PKIA: variants seen among roughly 807,000 people sequenced by gnomAD.
The protein encoded by PKIA is PKI-alpha.
A neutral mutation model predicts 7.6 loss-of-function variants in PKIA; 4 were observed. The observed-to-expected ratio is 0.52, with a 90% CI of 0.26 to 1.20. The LOEUF is 1.20. Ranked by LOEUF, PKIA falls within the 50% of genes most tolerant of loss-of-function variation. The pLI is 0.13. For synonymous variants in PKIA, 21 were observed against 30.7 expected, an observed-to-expected ratio of 0.68 and a Z score of 1.04; for missense variants, 73 against 86.2, an observed-to-expected ratio of 0.85 and a Z score of 0.61.
chr8:78,582,975 G>A (rs1204748320), intron 2 of PKIA, among the ~76,000 whole-genome samples: 2 of 152,054 alleles, frequency 1.3e-5, no homozygotes, highest in Non-Finnish European at 2.9e-5. Flanking sequence ...TCCACACTTA[G>A]AAAAATGAAA....
In PKIA at chr8:78,601,865, C is replaced by T. The variant is rs1403365043; in HGVS notation, c.*44C>T. On this transcript the variant is annotated 3_prime_UTR_variant, in exon 4 of 4. Transcript: ENST00000396418. Reference sequence around the variant, plus strand: ...GACCACACCTGAAAATGTCTCAAATCTCCAGGAGTATCTGGAATGCATTTG... The same window carrying T: ...GACCACACCTGAAAATGTCTCAAATTTCCAGGAGTATCTGGAATGCATTTG... The T allele has an allele frequency of 3.5e-6, 5 of 1,409,392 alleles. No individual in the cohort carries two copies. Among genetic ancestry groups the T allele is most frequent in the Non-Finnish European group, 5.0e-6 (5 of 998,372 alleles). The allele number at this position is 1,409,392 out of a possible 1,614,324, so 87.3% of individuals were successfully genotyped here. A position where few individuals can be genotyped will look rare whatever the true frequency, so the allele number is the denominator to read the frequency against.
chr8:78,516,552 G>A (rs904419174), intron 1 of PKIA, 84 bp downstream of exon 1: 1 of 152,544 alleles, frequency 6.6e-6, no homozygotes, highest in African/African-American at 2.4e-5. Flanking sequence ...AGCACGGAGG[G>A]AAGAAGGGGA....
chr8:78,588,391 C>T lies in PKIA; in HGVS notation c.-27-9967C>T, dbSNP rs375567335. ...GCTACTCAGGAGGCTGAGGCAGGAG[C>T]ATCACTTCGACCCAGGAGGCGGAGG... On this transcript the variant is annotated intron_variant, in intron 2 of 3. Transcript: ENST00000396418. 3.3e-5 allele frequency among the ~76,000 whole-genome samples: 5 copies of T among 152,014 alleles called. 1 individual carries two copies. The South Asian group carries it at 1.0e-3, about 32-fold the overall frequency.
chr8:78,593,127 CTGTT>C (rs1157449128), intron 2 of PKIA, among the ~76,000 whole-genome samples: 3 of 151,890 alleles, frequency 2.0e-5, no homozygotes, highest in Non-Finnish European at 4.4e-5. Flanking sequence ...TTTTTCAAGC[CTGTT>C]TGTTTGTTTG....
At chr8:78,596,216 T>C (rs1808223013) in intron 2 of PKIA, among the ~76,000 whole-genome samples, 1 of 151,666 alleles carries the variant, frequency 6.6e-6, no homozygotes, top group South Asian at 2.1e-4. Context: ...AGGAGCTGTT[T>C]GCTTTTGGCT....
rs375383266 is a variant in PKIA, at chr8:78,598,377, T to G, written c.-8T>G. ...TTGTAGTCCCTGCTATGTGGATATT[T>G]GGTAGCAATGACTGATGTGGAAACT... is the stretch of plus-strand genomic sequence containing the variant. On this transcript the variant is annotated 5_prime_UTR_variant, in exon 3 of 4. Transcript: ENST00000396418. 1.4e-4 allele frequency: 219 copies of G among 1,606,066 alleles called. No individual in the cohort carries two copies. Among genetic ancestry groups the G allele is most frequent in the Middle Eastern group, 1.0e-3 (6 of 6,018 alleles).
intron 1 of PKIA, chr8:78,533,911 G>A (rs1186031631): frequency 1.3e-5 from 2 of 151,996 alleles, no homozygotes; most frequent in Non-Finnish European, 2.9e-5. Context: ...AAAAAACTCA[G>A]TTTAATATGC....
chr8:78,538,800 C>T (rs909615418), intron 1 of PKIA, among the ~76,000 whole-genome samples: 2 of 151,860 alleles, frequency 1.3e-5, no homozygotes, highest in Non-Finnish European at 2.9e-5. Context: ...GAGGTGTTAC[C>T]GTAGCATATG....
intron 2 of PKIA, among the ~76,000 whole-genome samples, chr8:78,577,470 C>T (rs540710427): frequency 6.6e-6 from 1 of 151,450 alleles, no homozygotes; most frequent in African/African-American, 2.4e-5. Flanking sequence ...TAACAACCTG[C>T]ACATGTACCA....
intron 1 of PKIA, among the ~76,000 whole-genome samples, chr8:78,531,304 C>A (rs1056070343): frequency 3.3e-5 from 5 of 152,072 alleles, no homozygotes; most frequent in Non-Finnish European, 7.4e-5. Context: ...TGTTTATTGA[C>A]AACCGATAAT....
intron 1 of PKIA, among the ~76,000 whole-genome samples, chr8:78,555,175 T>A (rs548685125): frequency 8.5e-5 from 13 of 152,174 alleles, no homozygotes; most frequent in Admixed American, 7.9e-4. Context: ...GACAAACATA[T>A]ATTTGCATAA....
intron 2 of PKIA, among the ~76,000 whole-genome samples, chr8:78,584,445 T>A (rs1382690928): frequency 6.6e-6 from 1 of 152,110 alleles, no homozygotes; most frequent in African/African-American, 2.4e-5. Flanking sequence ...GTGCTTATTA[T>A]ATGTGTTTAT....
At chr8:78,530,124 A>G (rs1167709102) in intron 1 of PKIA, among the ~76,000 whole-genome samples, 1 of 152,068 alleles carries the variant, frequency 6.6e-6, no homozygotes, top group Non-Finnish European at 1.5e-5. Context: ...TTAAATTATC[A>G]CATAATTTTC....
In PKIA at chr8:78,564,328, C is replaced by A. The variant is rs113179487; in HGVS notation, c.-156-8483C>A. ...AGATGTGCCCTGTCACGTGATTTTT[C>A]TCCAGCTACCTAGGAATAAGTTATG... On this transcript the variant is annotated intron_variant, in intron 1 of 3. Transcript: ENST00000396418. 8.8e-4 allele frequency among the ~76,000 whole-genome samples: 134 copies of A among 151,948 alleles called. 2 individuals are homozygous for A. The highest frequency in any genetic ancestry group is 3.0e-3 in the African/African-American group (124 of 41,498).
Position 78,601,850 on chromosome 8 carries a change from G to A in PKIA, c.*29G>A, listed in dbSNP as rs990158309. On this transcript the variant is annotated 3_prime_UTR_variant, in exon 4 of 4. Transcript: ENST00000396418. ...CCCACTTTGACCCTCGACCACACCT[G>A]AAAATGTCTCAAATCTCCAGGAGTA... 2 of 1,523,074 alleles carry A rather than the reference G, an allele frequency of 1.3e-6. No individual in the cohort carries two copies. Among genetic ancestry groups the A allele is most frequent in the Admixed American group, 3.4e-5 (2 of 59,066 alleles). The allele number at this position is 1,523,074 out of a possible 1,614,324, so 94.3% of individuals were successfully genotyped here.
intron 1 of PKIA, among the ~76,000 whole-genome samples, chr8:78,520,774 T>C (rs915068903): frequency 2.6e-5 from 4 of 152,204 alleles, no homozygotes; most frequent in Admixed American, 6.5e-5. Flanking sequence ...CATATTAATT[T>C]TGCATACAAA....
chr8:78,554,771 C>A (rs1248367274), intron 1 of PKIA, among the ~76,000 whole-genome samples: 1 of 152,026 alleles, frequency 6.6e-6, no homozygotes, highest in African/African-American at 2.4e-5. Context: ...TTATGCAATA[C>A]ATAAAGATGC....
chr8:78,527,088 G>A (rs1279481295), intron 1 of PKIA, among the ~76,000 whole-genome samples: 1 of 152,102 alleles, frequency 6.6e-6, no homozygotes, highest in South Asian at 2.1e-4. Context: ...ATTGCAGTTG[G>A]TAGAGTCTCT....
At chr8:78,562,929 ATG>A (rs1807318753) in intron 1 of PKIA, among the ~76,000 whole-genome samples, 1 of 152,156 alleles carries the variant, frequency 6.6e-6, no homozygotes, top group South Asian at 2.1e-4. Flanking sequence ...TGAAAAAAAA[ATG>A]AGAGACACTA....
Sources: allele counts gnomAD v4.1 joint callset (sites outside exome capture counted in the v4.1 genomes callset), GRCh38; gene constraint gnomAD v4.1.1; transcripts MANE v1.5; gene names NCBI Gene and HGNC (gene_info 2026-07-23, HGNC 2026-07-21).